Variants in KDM4C observed in about 807,000 individuals in gnomAD.
KDM4C encodes lysine demethylase 4C.
Under a neutral mutation model 129.3 loss-of-function variants are expected in KDM4C, and 81 were observed. The ratio of observed to expected loss-of-function variants is 0.63; its 90% CI spans 0.52 to 0.75. The LOEUF (loss-of-function observed/expected upper bound fraction) is 0.75. KDM4C is among the 30% of genes least tolerant of loss of function. The probability of loss-of-function intolerance (pLI) is 0.00; values close to 1 mark genes in which losing one functional copy is unlikely to be tolerated. For synonymous variants in KDM4C, 573 were observed against 456.1 expected (o/e 1.26, Z -3.26); for missense variants, 1,457 against 1,304.0 (o/e 1.12, Z -1.81).
chr9:6,825,184 A>G (rs1343083704), intron 4 of KDM4C, among the ~76,000 whole-genome samples: 1 of 150,030 alleles, frequency 6.7e-6, no homozygotes, highest in East Asian at 1.9e-4. Flanking sequence ...CTGGATTTTT[A>G]TATCAGCTTC....
intron 1 of KDM4C, among the ~76,000 whole-genome samples, chr9:6,780,088 C>T (rs1823990684): frequency 6.6e-6 from 1 of 152,154 alleles, no homozygotes; most frequent in South Asian, 2.1e-4. Context: ...CTCTAAAGAA[C>T]ACCACTGACC....
At chr9:7,099,418 T>G (rs906218950) in intron 17 of KDM4C, among the ~76,000 whole-genome samples, 2 of 152,228 alleles carry the variant, frequency 1.3e-5, no homozygotes, top group African/African-American at 4.8e-5. Context: ...GTAGCCTTAA[T>G]GGCCTATGCC....
intron 3 of KDM4C, among the ~76,000 whole-genome samples, chr9:6,806,534 T>TA (rs1477558959): frequency 6.7e-6 from 1 of 149,054 alleles, no homozygotes; most frequent in Non-Finnish European, 1.5e-5. Flanking sequence ...AATAAATAAA[T>TA]AATCCCAAAT....
intron 3 of KDM4C, among the ~76,000 whole-genome samples, chr9:6,814,314 T>C (rs1411486231): frequency 6.6e-6 from 1 of 152,086 alleles, no homozygotes; most frequent in East Asian, 1.9e-4. Flanking sequence ...TTTCTTAGCA[T>C]AGTATAGTTG....
chr9:7,076,962 G>T, intron 17 of KDM4C: 1 of 985,854 alleles, frequency 1.0e-6, no homozygotes, highest in Non-Finnish European at 1.2e-6. Flanking sequence ...GCACATCACA[G>T]GCCCAGAGGC....
intron 5 of KDM4C, among the ~76,000 whole-genome samples, chr9:6,858,414 C>G (rs1444949821): frequency 6.6e-6 from 1 of 152,122 alleles, no homozygotes; most frequent in South Asian, 2.1e-4. Flanking sequence ...ATTGTTAAAT[C>G]CATAACTCTA....
intron 7 of KDM4C, 44 bp from the exon 8 acceptor site, chr9:6,893,051 G>C: frequency 7.4e-7 from 1 of 1,349,084 alleles, no homozygotes; most frequent in Non-Finnish European, 9.8e-7. Flanking sequence ...CATAATTTAG[G>C]AAGTCTTATT....
At position 6,990,734 on chromosome 9, in the gene KDM4C, TA is replaced by T. The variant is rs570870726; in HGVS notation, c.1786+214del. On this transcript the variant is annotated intron_variant, in intron 12 of 21. Transcript: ENST00000381309. ...TCATATAAGCTAGCCTTATTACTGG[TA>T]AAAGTCTTCCAGTTTTATGTCATGG... 8.6e-4 allele frequency among the ~76,000 whole-genome samples: 131 copies of T among 152,328 alleles called. 2 individuals are homozygous for T. In the South Asian group the frequency reaches 0.015, roughly 18 times the overall value.
At chr9:6,836,275 A>T (rs1285837762) in intron 4 of KDM4C, among the ~76,000 whole-genome samples, 2 of 152,152 alleles carry the variant, frequency 1.3e-5, no homozygotes, top group Non-Finnish European at 2.9e-5. Context: ...AACACGGTGA[A>T]AGCTCATCTC....
At chr9:6,975,275 G>A (rs1350620144) in intron 8 of KDM4C, among the ~76,000 whole-genome samples, 1 of 152,168 alleles carries the variant, frequency 6.6e-6, no homozygotes, top group East Asian at 1.9e-4. Context: ...AACACAGCAT[G>A]ATATCATGCA....
chr9:6,763,121 A>G (rs1819911216), intron 1 of KDM4C, among the ~76,000 whole-genome samples: 1 of 133,096 alleles, frequency 7.5e-6, no homozygotes. Context: ...CCATACTAAC[A>G]GTCAGAATAA....
intron 1 of KDM4C, among the ~76,000 whole-genome samples, chr9:6,773,582 T>G (rs1822354872): frequency 6.6e-6 from 1 of 151,946 alleles, no homozygotes; most frequent in Non-Finnish European, 1.5e-5. Context: ...ACCAGCCTGA[T>G]CAACATGGTG....
At chr9:7,031,056 G>T (rs1017372208) in intron 15 of KDM4C, among the ~76,000 whole-genome samples, 6 of 151,906 alleles carry the variant, frequency 3.9e-5, no homozygotes, top group Admixed American at 3.9e-4. Context: ...ATGGTTTTAA[G>T]AAATCAAAAC....
intron 19 of KDM4C, among the ~76,000 whole-genome samples, chr9:7,136,425 T>G (rs1389224874): frequency 5.3e-5 from 8 of 152,244 alleles, no homozygotes; most frequent in Non-Finnish European, 1.2e-4. Flanking sequence ...CCAAAGTGGC[T>G]GTGCCATTTT....
chr9:6,848,545 T>G (rs1178752691), intron 4 of KDM4C, among the ~76,000 whole-genome samples: 1 of 152,070 alleles, frequency 6.6e-6, no homozygotes, highest in Non-Finnish European at 1.5e-5. Context: ...GGCCTACGCC[T>G]GTAGGTCCAG....
chr9:6,849,422 G>T, intron 4 of KDM4C, 85 bp from the exon 5 acceptor site: 3 of 1,121,846 alleles, frequency 2.7e-6, no homozygotes, highest in Admixed American at 2.6e-5. Flanking sequence ...AATAATTTTG[G>T]TGGATAGTGG....
intron 4 of KDM4C, among the ~76,000 whole-genome samples, chr9:6,826,891 C>T (rs79052417): frequency 9.9e-4 from 150 of 151,730 alleles, no homozygotes; most frequent in Non-Finnish European, 1.8e-3. Context: ...GAAAATGTAT[C>T]TTATTTTTAT....
intron 17 of KDM4C, among the ~76,000 whole-genome samples, chr9:7,093,713 T>C (rs1372853335): frequency 6.6e-6 from 1 of 152,212 alleles, no homozygotes; most frequent in Non-Finnish European, 1.5e-5. Flanking sequence ...AGTACAGTTA[T>C]TAAAATACTA....
intron 4 of KDM4C, among the ~76,000 whole-genome samples, chr9:6,844,094 C>T (rs1258938484): frequency 1.3e-5 from 2 of 152,086 alleles, no homozygotes; most frequent in Non-Finnish European, 2.9e-5. Flanking sequence ...GCCTCAGCCT[C>T]CTAAAGTGCT....
Sources: allele counts gnomAD v4.1 joint callset (sites outside exome capture counted in the v4.1 genomes callset), GRCh38; gene constraint gnomAD v4.1.1; transcripts MANE v1.5; gene names NCBI Gene and HGNC (gene_info 2026-07-23, HGNC 2026-07-21).